STXBP3: variants seen among roughly 807,000 people sequenced by gnomAD.
STXBP3 encodes syntaxin binding protein 3, also known as syntaxin-binding protein 3.
A neutral mutation model predicts 85.7 loss-of-function variants in STXBP3; 41 were observed. That is an observed-to-expected ratio of 0.48 (90% confidence interval 0.37 to 0.62). STXBP3 has a LOEUF of 0.62. Ranked by LOEUF, STXBP3 falls within the 20% of genes least tolerant of loss-of-function variation. The pLI is 0.00. For synonymous variants in STXBP3, 229 were observed against 231.7 expected (o/e 0.99, Z 0.10); for missense variants, 563 against 703.1 (o/e 0.80, Z 2.25).
rs1662444267 is a variant in STXBP3, at chr1:108,771,825, T to C, written c.439-840T>C. Among the ~76,000 whole-genome samples, 2 of 45,524 alleles carry C rather than the reference T, an allele frequency of 4.4e-5. 1 individual carries two copies. The highest frequency in any genetic ancestry group is 9.0e-5 in the Non-Finnish European group (2 of 22,118). 29.9% of individuals were successfully genotyped at this position (45,524 alleles called of 152,430 possible). A position where few individuals can be genotyped will look rare whatever the true frequency, so the allele number is the denominator to read the frequency against. On this transcript the variant is annotated intron_variant, in intron 6 of 18. Coordinates refer to ENST00000370008, the MANE Select transcript of STXBP3 (RefSeq NM_007269.4). Reference sequence around the variant, plus strand: ...ATATCATATATAAATATATGATATCTATCTATATATCATATATAAATACAT... The same window carrying C: ...ATATCATATATAAATATATGATATCCATCTATATATCATATATAAATACAT...
At chr1:108,805,871 A>G (rs1391724723) in intron 17 of STXBP3, among the ~76,000 whole-genome samples, 1 of 152,178 alleles carries the variant, frequency 6.6e-6, no homozygotes, top group African/African-American at 2.4e-5. Context: ...CAGCTGCTGC[A>G]CTGTAGCCTA....
chr1:108,796,157 C>G (rs1218595659), intron 13 of STXBP3, 77 bp from the exon 14 acceptor site: 5 of 1,509,120 alleles, frequency 3.3e-6, no homozygotes, highest in South Asian at 1.3e-5. Context: ...GCCACTGTAC[C>G]CAGCCAATAA....
chr1:108,765,640 T>A (rs1336786702), intron 6 of STXBP3, among the ~76,000 whole-genome samples: 1 of 137,376 alleles, frequency 7.3e-6, no homozygotes, highest in Non-Finnish European at 1.5e-5. Context: ...AGTGGTGCAA[T>A]CTCGTTTCAC....
At chr1:108,789,478 T>C (rs1332417044) in intron 11 of STXBP3, among the ~76,000 whole-genome samples, 1 of 152,210 alleles carries the variant, frequency 6.6e-6, no homozygotes, top group Non-Finnish European at 1.5e-5. Context: ...TTTTAGAACA[T>C]TGATTTCCAA....
At chr1:108,776,220 TCA>T in intron 7 of STXBP3, 111 bp from the exon 8 acceptor site, 1 of 595,022 alleles carries the variant, frequency 1.7e-6, no homozygotes, top group Non-Finnish European at 2.6e-6. Flanking sequence ...AAATAATTTT[TCA>T]TTTTGTAAAC....
chr1:108,803,591 C>T (rs1663273783), intron 17 of STXBP3, among the ~76,000 whole-genome samples: 2 of 152,172 alleles, frequency 1.3e-5, no homozygotes, highest in Admixed American at 1.3e-4. Flanking sequence ...CGGACTCAAG[C>T]AGTCCTCGTG....
intron 16 of STXBP3, among the ~76,000 whole-genome samples, chr1:108,799,492 A>G (rs1311697610): frequency 1.3e-5 from 2 of 152,182 alleles, no homozygotes; most frequent in African/African-American, 2.4e-5. Context: ...AGGCCTTTAG[A>G]ATTTCTCCTG....
At chr1:108,767,208 C>T (rs1662282304) in intron 6 of STXBP3, 1 of 224,334 alleles carries the variant, frequency 4.5e-6, no homozygotes, top group Non-Finnish European at 8.9e-6. Context: ...AGTAGGCAGA[C>T]CTCCTTTCTG....
At chr1:108,795,228 A>C (rs1663064661) in intron 13 of STXBP3, among the ~76,000 whole-genome samples, 1 of 152,228 alleles carries the variant, frequency 6.6e-6, no homozygotes, top group Non-Finnish European at 1.5e-5. Flanking sequence ...TATAGCATCC[A>C]GCAGAGCTCA....
rs1051488579 is a variant in STXBP3 at position 108,776,217 on chromosome 1, T to A, written c.594-116T>A. ...AACTTTTACATGTTTATAAAATAAT[T>A]TTTCATTTTGTAAACATTTTTTAAA... On this transcript the variant is annotated intron_variant, in intron 7 of 18. Coordinates refer to ENST00000370008, the MANE Select transcript of STXBP3 (RefSeq NM_007269.4). 4 of 578,468 alleles carry A rather than the reference T, an allele frequency of 6.9e-6. No individual in the cohort carries two copies. The Admixed American group carries it at 1.4e-4, about 21-fold the overall frequency. 35.8% of individuals were successfully genotyped at this position (578,468 alleles called of 1,614,324 possible).
intron 6 of STXBP3, among the ~76,000 whole-genome samples, chr1:108,764,212 A>G (rs1443517191): frequency 1.3e-5 from 2 of 152,114 alleles, no homozygotes; most frequent in Non-Finnish European, 2.9e-5. Context: ...TAAAGACATA[A>G]TCTCATTCTT....
Position 108,772,713 on chromosome 1 carries a change from G to C in STXBP3, c.487G>C (p.Asp163His), listed in dbSNP as rs777515663. Residue 163 changes from aspartate (D) to histidine (H), a missense_variant, in exon 7 of 19, where the codon GAC (aspartate) becomes CAC (histidine). By Grantham distance (81) the Asp-to-His change is moderately conservative. Around this residue, in one of 3 missense-constraint regions of STXBP3, gnomAD observed 494 missense variants for 592.8 expected, o/e 0.83. Coordinates refer to ENST00000370008, the MANE Select transcript of STXBP3 (RefSeq NM_007269.4). ...PDAFYYCYSP[D>H]PGNAKGKDAI... ...TGCATTCTATTACTGTTATAGTCCA[G>C]ACCCTGGTAATGCAAAGGGAAAAGA... The C allele has an allele frequency of 6.2e-6, 10 of 1,602,544 alleles. No individual in the cohort carries two copies. Among genetic ancestry groups the C allele is most frequent in the Admixed American group, 1.7e-5 (1 of 58,660 alleles).
intron 12 of STXBP3, among the ~76,000 whole-genome samples, chr1:108,794,289 C>G (rs891846235): frequency 2.6e-5 from 4 of 152,190 alleles, no homozygotes; most frequent in African/African-American, 9.7e-5. Flanking sequence ...AGTCTGTTCT[C>G]ACATTGCTGT....
At chr1:108,805,955 G>A (rs1663322432) in intron 17 of STXBP3, among the ~76,000 whole-genome samples, 1 of 152,100 alleles carries the variant, frequency 6.6e-6, no homozygotes, top group Non-Finnish European at 1.5e-5. Flanking sequence ...GGCATTCTAG[G>A]TCATCCAGAA....
chr1:108,770,668 A>G (rs1313565280), intron 6 of STXBP3, among the ~76,000 whole-genome samples: 2 of 152,190 alleles, frequency 1.3e-5, no homozygotes, highest in African/African-American at 2.4e-5. Flanking sequence ...TTACTTGCCT[A>G]CTTTCACTTA....
intron 6 of STXBP3, among the ~76,000 whole-genome samples, chr1:108,765,441 C>T (rs1662239670): frequency 1.3e-5 from 2 of 152,148 alleles, no homozygotes. Flanking sequence ...CAATCTAGTT[C>T]CCTCAACCCC....
chr1:108,766,828 C>A, intron 6 of STXBP3: 1 of 349,510 alleles, frequency 2.9e-6, no homozygotes. Context: ...TAATCATGCC[C>A]TTTTAGTTGC....
intron 1 of STXBP3, among the ~76,000 whole-genome samples, chr1:108,748,281 C>G (rs1019056494): frequency 6.6e-6 from 1 of 152,004 alleles, no homozygotes; most frequent in African/African-American, 2.4e-5. Flanking sequence ...CGCCTGTAAT[C>G]CCAACACTTT....
chr1:108,759,135 A>G (rs539861780), intron 5 of STXBP3: 1 of 152,336 alleles, frequency 6.6e-6, no homozygotes, highest in East Asian at 1.9e-4. Context: ...ATTCTGTCTT[A>G]TGTTACATGT....
Sources: gnomAD v4.1 joint callset for allele counts (sites outside exome capture counted in the v4.1 genomes callset) on GRCh38, gnomAD v4.1.1 for gene constraint, gnomAD v4.1.1 regional missense constraint, MANE v1.5 for transcripts, NCBI Gene and HGNC (gene_info 2026-07-23, HGNC 2026-07-21) for gene names.